The following SDK1 variants were observed in gnomAD, a reference collection of about 807,000 sequenced individuals.
SDK1 encodes protein sidekick-1.
A neutral mutation model predicts 245.5 loss-of-function variants in SDK1; 157 were observed. That is an observed-to-expected ratio of 0.64 (90% CI 0.56 to 0.73). The LOEUF (loss-of-function observed/expected upper bound fraction) is 0.73. Ranked by LOEUF, SDK1 falls within the 30% of genes least tolerant of loss-of-function variation. The pLI, the probability that SDK1 is intolerant of heterozygous loss-of-function variation, is 0.00. For missense variants in SDK1, 3,583 were observed against 3,002.3 expected, an observed-to-expected ratio of 1.19 and a Z score of -4.52; for synonymous variants, 1,647 against 1,278.5, an observed-to-expected ratio of 1.29 and a Z score of -6.15.
chr7:4,215,063 C>A (rs1784715635), intron 38 of SDK1, among the ~76,000 whole-genome samples: 1 of 152,226 alleles, frequency 6.6e-6, no homozygotes, highest in Non-Finnish European at 1.5e-5. Flanking sequence ...CCTCGGGACC[C>A]TGGCGCTCGC....
chr7:4,123,033 G>A (rs749389573), intron 25 of SDK1, among the ~76,000 whole-genome samples: 4 of 152,202 alleles, frequency 2.6e-5, no homozygotes, highest in Non-Finnish European at 4.4e-5. Flanking sequence ...GCAATCCCCA[G>A]GTTGCCCTCT....
At chr7:3,682,494 T>C (rs778651858) in intron 4 of SDK1, among the ~76,000 whole-genome samples, 20 of 5,926 alleles carry the variant, frequency 3.4e-3, no homozygotes, top group African/African-American at 7.3e-3. Flanking sequence ...GGCGCTCGTA[T>C]GCACTGAACT....
chr7:4,184,850 C>T (rs1488399166), intron 35 of SDK1, among the ~76,000 whole-genome samples: 3 of 152,234 alleles, frequency 2.0e-5, no homozygotes, highest in South Asian at 2.1e-4. Flanking sequence ...CTGGATCCAG[C>T]GCCCCAGCAA....
chr7:3,698,581 A>C (rs1458253491), intron 4 of SDK1, among the ~76,000 whole-genome samples: 1 of 152,182 alleles, frequency 6.6e-6, no homozygotes, highest in Non-Finnish European at 1.5e-5. Flanking sequence ...TCAGGCTGCT[A>C]TAGTAAAACA....
In SDK1 at chr7:3,410,093, C is replaced by T. The variant is rs545195927; in HGVS notation, c.298+108209C>T. The stretch of plus-strand genomic sequence containing the variant: ...ATATAAAGTCCATAACAATGTCTGG[C>T]ACATAATAAGTAATACTTAAGTGTT... On this transcript the variant is annotated intron_variant, in intron 1 of 44. Transcript: ENST00000404826. Among the ~76,000 whole-genome samples, 8 of 152,214 alleles carry T rather than the reference C, an allele frequency of 5.3e-5. No individual in the cohort carries two copies. In the South Asian group the frequency reaches 1.7e-3, roughly 32 times the overall value.
intron 4 of SDK1, among the ~76,000 whole-genome samples, chr7:3,752,747 A>G (rs951567114): frequency 2.6e-5 from 4 of 152,164 alleles, no homozygotes; most frequent in African/African-American, 7.2e-5. Context: ...CATGAGACTC[A>G]TCTTCAAAGG....
intron 1 of SDK1, among the ~76,000 whole-genome samples, chr7:3,507,587 G>T (rs1583971232): frequency 6.6e-6 from 1 of 152,102 alleles, no homozygotes; most frequent in South Asian, 2.1e-4. Flanking sequence ...TATTTAACCT[G>T]TTATTTTATA....
At chr7:3,989,316 T>C (rs1784114096) in intron 14 of SDK1, among the ~76,000 whole-genome samples, 1 of 152,132 alleles carries the variant, frequency 6.6e-6, no homozygotes, top group Admixed American at 6.5e-5. Context: ...CCCTCAGACC[T>C]CGTGAGACTT....
chr7:3,908,206 G>A (rs1235122871), intron 5 of SDK1, among the ~76,000 whole-genome samples: 3 of 152,182 alleles, frequency 2.0e-5, no homozygotes, highest in Admixed American at 6.5e-5. Flanking sequence ...GCATAACCCG[G>A]ATGAGCGCCT....
chr7:3,486,840 A>C (rs569939395), intron 1 of SDK1, among the ~76,000 whole-genome samples: 2 of 152,166 alleles, frequency 1.3e-5, no homozygotes, highest in East Asian at 1.9e-4. Flanking sequence ...AACATTCCAC[A>C]TGTTTGATAA....
At chr7:3,984,954 A>G (rs1024197502) in intron 13 of SDK1, among the ~76,000 whole-genome samples, 5 of 152,210 alleles carry the variant, frequency 3.3e-5, no homozygotes, top group Non-Finnish European at 7.3e-5. Flanking sequence ...CAAATCCTGC[A>G]TTCCTACCAC....
chr7:3,892,755 C>G (rs529165891), intron 5 of SDK1, among the ~76,000 whole-genome samples: 9 of 152,320 alleles, frequency 5.9e-5, no homozygotes, highest in African/African-American at 2.2e-4. Flanking sequence ...GGACATCCAG[C>G]TATGCAGCCA....
chr7:3,455,379 T>A (rs1254371349), intron 1 of SDK1, among the ~76,000 whole-genome samples: 1 of 149,186 alleles, frequency 6.7e-6, no homozygotes, highest in Admixed American at 6.6e-5. Context: ...AGATTTTCTT[T>A]CCTTTTTTTT....
At chr7:4,167,530 G>A (rs1781570859) in intron 32 of SDK1, among the ~76,000 whole-genome samples, 1 of 152,246 alleles carries the variant, frequency 6.6e-6, no homozygotes, top group Non-Finnish European at 1.5e-5. Context: ...AGGACTCCCA[G>A]TTCCCTTCAA....
In SDK1 at chr7:3,301,486, CGCCGCGCCTCCCGCGGAGTG is replaced by C. The variant is rs927879774; in HGVS notation, c.-92_-73del. 1.7e-4 allele frequency: 49 copies of C among 287,942 alleles called. 1 individual carries two copies. The highest frequency in any genetic ancestry group is 1.3e-3 in the East Asian group (7 of 5,506). 17.8% of individuals were successfully genotyped at this position (287,942 alleles called of 1,614,324 possible). A position where few individuals can be genotyped will look rare whatever the true frequency, so the allele number is the denominator to read the frequency against. On this transcript the variant is annotated 5_prime_UTR_variant, in exon 1 of 45. Transcript: ENST00000404826. ...CGGCCGCTCACCTCGGGCCGGGGGGCGCCGCGCCTCCCGCGGAGTGGCCGCGCCCGCTCGGAGCCGTCCCG... is the reference window on the plus strand; with the variant it reads ...CGGCCGCTCACCTCGGGCCGGGGGGCGCCGCGCCCGCTCGGAGCCGTCCCG...
Position 4,079,507 on chromosome 7 carries a change from C to T in SDK1, c.3247C>T (p.Pro1083Ser), listed in dbSNP as rs774085234. Reference protein sequence around the residue: ...PSNLVISNISPRSATLQFRPG... With the variant: ...PSNLVISNISSRSATLQFRPG... ...CAACCTGGTCATTTCCAACATCAGC[C>T]CTCGCTCCGCCACCCTTCAGTTCCG... is the stretch of plus-strand genomic sequence containing the variant. Residue 1083 changes from proline (P) to serine (S), a missense_variant, in exon 22 of 45, where the codon CCT (proline) becomes TCT (serine). Coordinates refer to ENST00000404826, the MANE Select transcript of SDK1 (RefSeq NM_152744.4). 2 of 1,614,116 alleles carry T rather than the reference C, an allele frequency of 1.2e-6. No homozygotes were observed. Among genetic ancestry groups the T allele is most frequent in the Admixed American group, 1.7e-5 (1 of 60,010 alleles).
chr7:3,352,101 A>C (rs989929951), intron 1 of SDK1, among the ~76,000 whole-genome samples: 1 of 150,098 alleles, frequency 6.7e-6, no homozygotes, highest in Non-Finnish European at 1.5e-5. Flanking sequence ...ATTAAGAAGT[A>C]TATTTCTTAT....
intron 1 of SDK1, among the ~76,000 whole-genome samples, chr7:3,554,719 T>C (rs1779529044): frequency 6.6e-6 from 1 of 152,138 alleles, no homozygotes; most frequent in Admixed American, 6.5e-5. Context: ...AAAATATAAC[T>C]GATAAACAAA....
Position 3,301,787 on chromosome 7 carries a change from G to T in SDK1, c.201G>T (p.Arg67=), listed in dbSNP as rs1442238421. 53 of 1,013,654 alleles carry T rather than the reference G, an allele frequency of 5.2e-5. No individual in the cohort carries two copies. The African/African-American group carries it at 9.1e-4, about 17-fold the overall frequency. 62.8% of individuals were successfully genotyped at this position (1,013,654 alleles called of 1,614,324 possible). A position where few individuals can be genotyped will look rare whatever the true frequency, so the allele number is the denominator to read the frequency against. ...TSGGDTAGAG[R]CGGRRAAKLG... is the part of the protein sequence containing the mutation. ...GCGGGGACACGGCGGGCGCGGGGCG[G>T]TGCGGCGGGCGGCGGGCGGCAAAGT... The change falls in exon 1 of 45, where the codon CGG becomes CGT. Residue 67 remains arginine, a synonymous_variant. Transcript: ENST00000404826.
Sources: gnomAD v4.1 joint callset for allele counts (sites outside exome capture counted in the v4.1 genomes callset) on GRCh38, gnomAD v4.1.1 for gene constraint, MANE v1.5 for transcripts, NCBI Gene and HGNC (gene_info 2026-07-23, HGNC 2026-07-21) for gene names.